The following PDE10A variants were observed in gnomAD, a reference collection of about 807,000 sequenced individuals.
The protein encoded by PDE10A is phosphodiesterase 10A, also known as cAMP and cAMP-inhibited cGMP 3',5'-cyclic phosphodiesterase 10A.
In PDE10A, 39 loss-of-function variants were observed where a neutral mutation model predicts 97.7. That is an observed-to-expected ratio of 0.40 (90% CI 0.31 to 0.52). PDE10A has a LOEUF of 0.52. Ranked by LOEUF, PDE10A falls within the 20% of genes least tolerant of loss-of-function variation. The pLI is 0.56. For synonymous variants in PDE10A, 371 were observed against 376.8 expected (o/e 0.98, Z 0.18); for missense variants, 731 against 1,047.8 (o/e 0.70, Z 4.17).
At chr6:165,336,755 CAAAA>C (rs776243789) in intron 20 of PDE10A, among the ~76,000 whole-genome samples, 10 of 50,474 alleles carry the variant, frequency 2.0e-4, no homozygotes, top group Non-Finnish European at 2.9e-4. Flanking sequence ...GACTCCGTCT[CAAAA>C]AAAAAAAAAA....
chr6:165,563,115 A>G (rs564194104), intron 1 of PDE10A, among the ~76,000 whole-genome samples: 12 of 151,814 alleles, frequency 7.9e-5, no homozygotes, highest in African/African-American at 1.9e-4. Flanking sequence ...ACTTATTATA[A>G]AAGTATGGCA....
At chr6:165,659,332 C>T (rs1388581622) in intron 1 of PDE10A, among the ~76,000 whole-genome samples, 1 of 151,964 alleles carries the variant, frequency 6.6e-6, no homozygotes, top group Non-Finnish European at 1.5e-5. Flanking sequence ...ATGCATTTGG[C>T]CATTCTAAAA....
At chr6:165,878,782 G>A (rs913478212) in intron 1 of PDE10A, among the ~76,000 whole-genome samples, 6 of 152,174 alleles carry the variant, frequency 3.9e-5, no homozygotes, top group Non-Finnish European at 8.8e-5. Context: ...GGCAGATAAG[G>A]GAGATGTAGC....
chr6:165,876,443 T>C (rs1181170172), intron 1 of PDE10A, among the ~76,000 whole-genome samples: 2 of 152,162 alleles, frequency 1.3e-5, no homozygotes, highest in Non-Finnish European at 2.9e-5. Context: ...TCTCAAACAG[T>C]GCAACTCCTA....
rs138315880 is a variant in PDE10A at position 165,881,435 on chromosome 6, C to T, written c.-615+106094G>A. On this transcript the variant is annotated intron_variant, in intron 1 of 19. Coordinates refer to the PDE10A transcript ENST00000366882. ...TTTTTGAGATGGAGTCTTGCTCTGT[C>T]GCCAGGGTGGAGTGCAATGGTGGGA... Among the ~76,000 whole-genome samples, 487 of 132,572 alleles carry T rather than the reference C, an allele frequency of 3.7e-3. 4 individuals are homozygous for T. Among genetic ancestry groups the T allele is most frequent in the African/African-American group, 0.013 (463 of 34,384 alleles). The allele number at this position is 132,572 out of a possible 152,430, so 87.0% of individuals were successfully genotyped here.
chr6:165,887,595 C>T (rs2089814), intron 1 of PDE10A, among the ~76,000 whole-genome samples: 38,014 of 152,006 alleles, frequency 0.25, 5,608 homozygotes, highest in African/African-American at 0.41. Context: ...CTTCTCATAA[C>T]TCTTCCAGTG....
chr6:165,895,471 C>A (rs1464530640), intron 1 of PDE10A, among the ~76,000 whole-genome samples: 1 of 152,298 alleles, frequency 6.6e-6, no homozygotes, highest in South Asian at 2.1e-4. Flanking sequence ...CCTGCCCACA[C>A]CTCAATCTCA....
At chr6:165,642,266 C>T (rs932021165) in intron 1 of PDE10A, among the ~76,000 whole-genome samples, 2 of 152,126 alleles carry the variant, frequency 1.3e-5, no homozygotes, top group Non-Finnish European at 2.9e-5. Context: ...CTAGATGCCC[C>T]GGATGAATGT....
At chr6:165,416,302 G>A (rs773290001) in intron 11 of PDE10A, 21 bp from the exon 12 acceptor site, 2 of 1,451,064 alleles carry the variant, frequency 1.4e-6, no homozygotes, top group East Asian at 2.3e-5. Flanking sequence ...AAAAGAGAAG[G>A]ACATGCTAAT....
intron 12 of PDE10A, 75 bp from the exon 13 acceptor site, chr6:165,413,762 A>G (rs1215762056): frequency 8.3e-6 from 10 of 1,204,996 alleles, no homozygotes; most frequent in Non-Finnish European, 9.4e-6. Flanking sequence ...TCAGTCATAA[A>G]TCTCCCCTCA....
intron 3 of PDE10A, among the ~76,000 whole-genome samples, chr6:165,452,152 G>A (rs1562480344): frequency 6.6e-6 from 1 of 152,186 alleles, no homozygotes; most frequent in Non-Finnish European, 1.5e-5. Context: ...TCTGGTGCAG[G>A]CCAGGAATTA....
At chr6:165,850,446 A>G (rs1460340339) in intron 1 of PDE10A, among the ~76,000 whole-genome samples, 2 of 152,328 alleles carry the variant, frequency 1.3e-5, no homozygotes, top group Non-Finnish European at 1.5e-5. Flanking sequence ...TTTCAACGGT[A>G]TTTTATCATC....
chr6:165,380,881 G>A (rs990752797), intron 17 of PDE10A, among the ~76,000 whole-genome samples: 3 of 152,220 alleles, frequency 2.0e-5, no homozygotes, highest in African/African-American at 7.2e-5. Flanking sequence ...CGTGAAGCAG[G>A]TAGCTCCTGC....
chr6:165,620,696 T>A (rs1788083085), intron 1 of PDE10A, among the ~76,000 whole-genome samples: 1 of 152,100 alleles, frequency 6.6e-6, no homozygotes, highest in African/African-American at 2.4e-5. Context: ...TACCTTTGGT[T>A]CTAGAGCAGA....
intron 2 of PDE10A, among the ~76,000 whole-genome samples, chr6:165,511,750 CTCTT>C (rs1362195424): frequency 6.6e-6 from 1 of 151,894 alleles, no homozygotes; most frequent in Non-Finnish European, 1.5e-5. Flanking sequence ...AAGAATTGAT[CTCTT>C]TATCATTCTA....
intron 1 of PDE10A, among the ~76,000 whole-genome samples, chr6:165,565,754 CAGAG>C (rs763669455): frequency 6.6e-6 from 1 of 152,194 alleles, no homozygotes; most frequent in East Asian, 1.9e-4. Flanking sequence ...TGGAATAAAA[CAGAG>C]AGCCTATAAA....
chr6:165,752,960 A>T (rs1793041785), intron 1 of PDE10A, among the ~76,000 whole-genome samples: 1 of 152,180 alleles, frequency 6.6e-6, no homozygotes, highest in Admixed American at 6.5e-5. Flanking sequence ...TGGGAAACTC[A>T]TTACCAAAAT....
chr6:165,963,815 CTG>C (rs1260431211), intron 1 of PDE10A, among the ~76,000 whole-genome samples: 1 of 152,220 alleles, frequency 6.6e-6, no homozygotes, highest in Non-Finnish European at 1.5e-5. Flanking sequence ...GCCTCCTCCT[CTG>C]AGCTGTGGCC....
At position 165,978,182 on chromosome 6, in the gene PDE10A, G is replaced by T. The variant is rs146177655; in HGVS notation, c.-615+9347C>A. On this transcript the variant is annotated intron_variant, in intron 1 of 19. Transcript: ENST00000366882. ...TGTTAAAATCCACTGAGCTTTTCCCGTAAAATTCACCTAAGCTGTTTAGCT... is the reference window on the plus strand; with the variant it reads ...TGTTAAAATCCACTGAGCTTTTCCCTTAAAATTCACCTAAGCTGTTTAGCT... Among the ~76,000 whole-genome samples the T allele has an allele frequency of 4.6e-3, 697 of 152,172 alleles. 5 individuals carry two copies. The highest frequency in any genetic ancestry group is 7.7e-3 in the Admixed American group (118 of 15,292).
Sources: gnomAD v4.1 joint callset for allele counts (sites outside exome capture counted in the v4.1 genomes callset) on GRCh38, gnomAD v4.1.1 for gene constraint, MANE v1.5 for transcripts, NCBI Gene and HGNC (gene_info 2026-07-23, HGNC 2026-07-21) for gene names.